The following ABCG1 variants were observed in gnomAD, a reference collection of about 807,000 sequenced individuals.
The protein encoded by ABCG1 is ATP-binding cassette sub-family G member 1.
In ABCG1, 29 loss-of-function variants were observed where a neutral mutation model predicts 69.2. That is an observed-to-expected ratio of 0.42 (90% CI 0.31 to 0.57). The LOEUF is 0.57. ABCG1 is among the 20% of genes least tolerant of loss of function. ABCG1 has a pLI of 0.15. For synonymous variants in ABCG1, 370 were observed against 374.8 expected, an observed-to-expected ratio of 0.99 and a Z score of 0.15; for missense variants, 718 against 898.1, an observed-to-expected ratio of 0.80 and a Z score of 2.56.
chr21:42,243,396 T>A (rs2068080155), intron 2 of ABCG1, among the ~76,000 whole-genome samples: 1 of 152,032 alleles, frequency 6.6e-6, no homozygotes, highest in Admixed American at 6.6e-5. Flanking sequence ...CAGATTTTAT[T>A]TTTATCTTAA....
chr21:42,290,892 C>T (rs1357484521), intron 11 of ABCG1, among the ~76,000 whole-genome samples, 200 bp from the exon 12 acceptor site: 2 of 152,156 alleles, frequency 1.3e-5, no homozygotes, highest in African/African-American at 4.8e-5. Flanking sequence ...TCCTGATTCT[C>T]CACTCAATGA....
chr21:42,219,999 G>T lies in ABCG1; in HGVS notation c.42+695G>T. ...GCGCATTTCACTTCCCCGAGCTCCG[G>T]AGAGGGATGGCGGGGTGTCGGCGAG... On this transcript the variant is annotated intron_variant, in intron 1 of 14. Coordinates refer to ENST00000398449, the MANE Select transcript of ABCG1 (RefSeq NM_016818.3). The surrounding 1 kb of genome is among the most constrained non-coding windows in gnomAD (Gnocchi z 5.3). The T allele has an allele frequency of 1.3e-6, 2 of 1,553,604 alleles. No individual in the cohort carries two copies. Among genetic ancestry groups the T allele is most frequent in the South Asian group, 2.4e-5 (2 of 84,174 alleles).
At chr21:42,283,903 C>A (rs1432649423) in intron 6 of ABCG1, among the ~76,000 whole-genome samples, 1 of 4,628 alleles carries the variant, frequency 2.2e-4, no homozygotes, top group Non-Finnish European at 4.8e-4. Context: ...AAAGTCCCCC[C>A]GCCCAGATGA....
chr21:42,277,284 C>T (rs558796358), intron 5 of ABCG1, among the ~76,000 whole-genome samples: 45 of 151,970 alleles, frequency 3.0e-4, no homozygotes, highest in African/African-American at 4.1e-4. Context: ...TTAATATGAT[C>T]GATATTAAAT....
chr21:42,259,582 C>G, intron 2 of ABCG1: 1 of 1,468,334 alleles, frequency 6.8e-7, no homozygotes, highest in Non-Finnish European at 9.0e-7. Flanking sequence ...GTGGCATTGC[C>G]TCTGCGGAGC....
At position 42,282,313 on chromosome 21, in the gene ABCG1, G is replaced by T; in HGVS notation, c.628G>T (p.Ala210Ser). 1 of 1,613,042 alleles carries T rather than the reference G, an allele frequency of 6.2e-7. No individual in the cohort carries two copies. Among genetic ancestry groups the T allele is most frequent in the Non-Finnish European group, 8.5e-7 (1 of 1,180,012 alleles). The change falls in exon 6 of 15, where the codon GCC (alanine) becomes TCC (serine). Residue 210 changes from alanine (A) to serine (S), a missense_variant. This residue lies in a region of ABCG1 where 514 missense variants were observed against 574.3 expected (regional missense o/e 0.90). Coordinates refer to ENST00000398449, the MANE Select transcript of ABCG1 (RefSeq NM_016818.3). ...GACAGCGCTGGGCTTGCTGTCTTGC[G>T]CCAACACGCGGACCGGGAGCCTGTC... ...ILTALGLLSC[A>S]NTRTGSLSGG...
intron 2 of ABCG1, among the ~76,000 whole-genome samples, chr21:42,203,491 C>G (rs573504337): frequency 6.6e-6 from 1 of 151,950 alleles, no homozygotes; most frequent in Non-Finnish European, 1.5e-5. Context: ...TTTTTCTGCC[C>G]GTGGATACCC....
chr21:42,220,051 G>C, intron 1 of ABCG1: 1 of 1,551,370 alleles, frequency 6.4e-7, no homozygotes. Context: ...GTTACTGTAA[G>C]TGCTGTTTCC....
At chr21:42,216,107 C>T (rs1447129223), upstream of ABCG1, 1 of 449,320 alleles carries the variant, frequency 2.2e-6, no homozygotes, top group Non-Finnish European at 4.4e-6. Flanking sequence ...CCTGCACAAG[C>T]TCTCTCTCTT....
chr21:42,219,619 G>A lies in ABCG1; in HGVS notation c.42+315G>A, dbSNP rs968426732. Among the ~76,000 whole-genome samples, 4 of 152,190 alleles carry A rather than the reference G, an allele frequency of 2.6e-5. No individual in the cohort carries two copies. Among genetic ancestry groups the A allele is most frequent in the Admixed American group, 6.5e-5 (1 of 15,290 alleles). ...CTTGACCTGATGGCTTCTGGGCGGG[G>A]GGCGTGGGGAGCTGGGGACCCGGAG... On this transcript the variant is annotated intron_variant, in intron 1 of 14. Coordinates refer to ENST00000398449, the MANE Select transcript of ABCG1 (RefSeq NM_016818.3). This position sits in a 1 kb window ranked among gnomAD's most constrained non-coding sequence, Gnocchi z 5.3.
upstream of ABCG1, among the ~76,000 whole-genome samples, chr21:42,215,645 T>C (rs2067631697): frequency 6.6e-6 from 1 of 152,212 alleles, no homozygotes; most frequent in Non-Finnish European, 1.5e-5. Context: ...CACGAGGAAC[T>C]GGCACCCATC....
intron 7 of ABCG1, 58 bp downstream of exon 7, chr21:42,284,741 T>G: frequency 6.3e-7 from 1 of 1,576,598 alleles, no homozygotes; most frequent in Non-Finnish European, 8.6e-7. Flanking sequence ...TCAGCCTGAA[T>G]GACACCAAAC....
chr21:42,276,545 A>G lies in ABCG1; in HGVS notation c.538-350A>G. 3.6e-6 allele frequency: 1 copy of G among 279,576 alleles called. No homozygotes were observed. Among genetic ancestry groups the G allele is most frequent in the Non-Finnish European group, 6.8e-6 (1 of 146,296 alleles). The allele number at this position is 279,576 out of a possible 1,614,324, so 17.3% of individuals were successfully genotyped here. ...CCTGCCATCCTACCATTGTTAAAGC[A>G]GGGGCATCGGAAGCCAAGAACTCCT... On this transcript the variant is annotated intron_variant, in intron 4 of 14. Coordinates refer to ENST00000398449, the MANE Select transcript of ABCG1 (RefSeq NM_016818.3). The surrounding 1 kb of genome is among the most constrained non-coding windows in gnomAD (Gnocchi z 5.3).
At chr21:42,277,209 T>G (rs2068727126) in intron 5 of ABCG1, among the ~76,000 whole-genome samples, 3 of 152,176 alleles carry the variant, frequency 2.0e-5, no homozygotes, top group African/African-American at 7.2e-5. Context: ...ACAACAGACT[T>G]GGCACTCATG....
At chr21:42,280,940 G>C (rs1569234586) in intron 5 of ABCG1, among the ~76,000 whole-genome samples, 1 of 152,246 alleles carries the variant, frequency 6.6e-6, no homozygotes, top group African/African-American at 2.4e-5. Flanking sequence ...TCCAGAAGCT[G>C]TTTCTGGGTT....
In ABCG1 at chr21:42,287,487, C is replaced by A. The variant is rs2068964566; in HGVS notation, c.974-402C>A. On this transcript the variant is annotated intron_variant, in intron 8 of 14. Coordinates refer to ENST00000398449, the MANE Select transcript of ABCG1 (RefSeq NM_016818.3). The surrounding 1 kb of genome is among the most constrained non-coding windows in gnomAD (Gnocchi z 6.2). Reference sequence around the variant, plus strand: ...TAGAACTGCCGTGGCTCTCGTCACACCCTGCCAAACCACAAGCTCCTCAAG... The same window carrying A: ...TAGAACTGCCGTGGCTCTCGTCACAACCTGCCAAACCACAAGCTCCTCAAG... Among the ~76,000 whole-genome samples, 1 of 152,206 alleles carries A rather than the reference C, an allele frequency of 6.6e-6. No homozygotes were observed. The highest frequency in any genetic ancestry group is 1.5e-5 in the Non-Finnish European group (1 of 68,036).
chr21:42,291,397 G>T lies in ABCG1; in HGVS notation c.1495-101G>T. The T allele has an allele frequency of 6.7e-7, 1 of 1,496,630 alleles. No homozygotes were observed. Among genetic ancestry groups the T allele is most frequent in the Non-Finnish European group, 9.1e-7 (1 of 1,102,006 alleles). The allele number at this position is 1,496,630 out of a possible 1,614,324, so 92.7% of individuals were successfully genotyped here. A position where few individuals can be genotyped will look rare whatever the true frequency, so the allele number is the denominator to read the frequency against. ...GGAAGGACCCGACTTTGGGAGCTCT[G>T]GCGGGAGCTGCGGGGAAGGGCTGGC... is the stretch of plus-strand genomic sequence containing the variant. On this transcript the variant is annotated intron_variant, in intron 12 of 14. Transcript: ENST00000398449. The surrounding 1 kb of genome is among the most constrained non-coding windows in gnomAD (Gnocchi z 6.4).
At chr21:42,206,640 A>G (rs2123465871) in intron 2 of ABCG1, among the ~76,000 whole-genome samples, 1 of 152,256 alleles carries the variant, frequency 6.6e-6, no homozygotes, top group East Asian at 1.9e-4. Context: ...AATTTTTTGT[A>G]GACATGGGAC....
chr21:42,224,855 G>C (rs571444470), intron 1 of ABCG1, among the ~76,000 whole-genome samples: 2 of 152,020 alleles, frequency 1.3e-5, no homozygotes, highest in Non-Finnish European at 2.9e-5. Context: ...ATCAGTTACA[G>C]TTCGTTTGAC....
Sources: allele counts gnomAD v4.1 joint callset (sites outside exome capture counted in the v4.1 genomes callset), GRCh38; gene constraint gnomAD v4.1.1; regional missense constraint gnomAD v4.1.1; non-coding constraint Gnocchi (gnomAD v3.1); transcripts MANE v1.5; gene names NCBI Gene and HGNC (gene_info 2026-07-23, HGNC 2026-07-21).